Variants in UNC13C observed in about 807,000 individuals in gnomAD.
UNC13C encodes the protein unc-13 homolog C, also known as protein unc-13 homolog C.
Under a neutral mutation model 245.4 loss-of-function variants are expected in UNC13C, and 174 were observed. The ratio of observed to expected loss-of-function variants is 0.71; its 90% CI spans 0.63 to 0.80. The LOEUF (loss-of-function observed/expected upper bound fraction) is 0.80, where lower values mean the gene tolerates loss of function less well. UNC13C is among the 30% of genes least tolerant of loss of function. The pLI is 0.00. For synonymous variants in UNC13C, 992 were observed against 895.1 expected, an observed-to-expected ratio of 1.11 and a Z score of -1.93; for missense variants, 2,829 against 2,602.9, an observed-to-expected ratio of 1.09 and a Z score of -1.89.
intron 2 of UNC13C, among the ~76,000 whole-genome samples, chr15:54,083,387 TG>T (rs1899060085): frequency 1.3e-5 from 2 of 152,186 alleles, no homozygotes; most frequent in South Asian, 4.1e-4. Context: ...ATGGCTTGTC[TG>T]GCCTCCGTTG....
intron 30 of UNC13C, among the ~76,000 whole-genome samples, chr15:54,620,904 TC>T (rs1900757823): frequency 6.6e-6 from 1 of 152,086 alleles, no homozygotes; most frequent in South Asian, 2.1e-4. Flanking sequence ...GGTGGTAGTC[TC>T]CCTGGTGTTG....
At chr15:54,512,113 A>T (rs1894770239) in intron 24 of UNC13C, among the ~76,000 whole-genome samples, 1 of 152,180 alleles carries the variant, frequency 6.6e-6, no homozygotes, top group South Asian at 2.1e-4. Flanking sequence ...ACACACATAT[A>T]TATTTGTATG....
intron 7 of UNC13C, among the ~76,000 whole-genome samples, chr15:54,247,993 G>A (rs1001855013): frequency 6.6e-6 from 1 of 151,958 alleles, no homozygotes; most frequent in African/African-American, 2.4e-5. Flanking sequence ...CTTGACTTCA[G>A]TAAAAGGAAA....
At chr15:54,458,680 CTTTT>C (rs79291504) in intron 19 of UNC13C, among the ~76,000 whole-genome samples, 1 of 65,972 alleles carries the variant, frequency 1.5e-5, no homozygotes, top group Non-Finnish European at 2.6e-5. Context: ...CCTTTAAGGT[CTTTT>C]TTTTTTTTTT....
the UNC13C span, chr15:53,913,576 G>C: frequency 4.1e-4 from 63 of 152,434 alleles, no homozygotes; most frequent in African/African-American, 1.4e-3. Context: ...CCCAACAGTG[G>C]GGTGGGTACA....
the UNC13C span, among the ~76,000 whole-genome samples, chr15:53,888,074 T>TG: frequency 6.6e-6 from 1 of 152,218 alleles, no homozygotes; most frequent in African/African-American, 2.4e-5. Flanking sequence ...TACCCGGTAA[T>TG]GGGATTGCTG....
At position 54,088,220 on chromosome 15, in the gene UNC13C, T is replaced by C. The variant is rs987286233; in HGVS notation, c.2984-54798T>C. ...CTTTTCCTTTTTTTTTTTTTTTTTT[T>C]TTTTTTTACCCCCTCATCCAATCAG... On this transcript the variant is annotated intron_variant, in intron 2 of 32. Transcript: ENST00000260323. Among the ~76,000 whole-genome samples the C allele has an allele frequency of 6.3e-5, 9 of 143,940 alleles. No individual in the cohort carries two copies. In the East Asian group the frequency reaches 1.8e-3, roughly 29 times the overall value. The allele number at this position is 143,940 out of a possible 152,430, so 94.4% of individuals were successfully genotyped here. A position where few individuals can be genotyped will look rare whatever the true frequency, so the allele number is the denominator to read the frequency against.
intron 19 of UNC13C, among the ~76,000 whole-genome samples, chr15:54,424,859 G>A (rs1281999679): frequency 6.6e-6 from 1 of 151,782 alleles, no homozygotes; most frequent in African/African-American, 2.4e-5. Flanking sequence ...TGTTTCGTGG[G>A]TAAATTAGTG....
chr15:54,599,366 C>G (rs755159484), intron 30 of UNC13C, among the ~76,000 whole-genome samples: 4 of 152,102 alleles, frequency 2.6e-5, no homozygotes, highest in Non-Finnish European at 5.9e-5. Context: ...ATTTCTTCTG[C>G]ATTTGATGCC....
chr15:54,250,483 C>A, intron 8 of UNC13C, 39 bp downstream of exon 8: 2 of 1,543,776 alleles, frequency 1.3e-6, no homozygotes, highest in South Asian at 2.5e-5. Flanking sequence ...GTATGCAGAG[C>A]CTGCCTTATT....
chr15:54,162,873 G>A (rs2033028842), intron 4 of UNC13C, among the ~76,000 whole-genome samples: 1 of 152,274 alleles, frequency 6.6e-6, no homozygotes, highest in East Asian at 1.9e-4. Flanking sequence ...GAAATCAAGA[G>A]ATAAACAGAT....
chr15:54,315,027 C>T (rs530429646), intron 13 of UNC13C, among the ~76,000 whole-genome samples: 1 of 151,768 alleles, frequency 6.6e-6, no homozygotes, highest in East Asian at 2.0e-4. Flanking sequence ...TTCACTTCTA[C>T]ACTTTCTAAA....
At chr15:54,101,745 C>T (rs1185972452) in intron 2 of UNC13C, among the ~76,000 whole-genome samples, 1 of 151,868 alleles carries the variant, frequency 6.6e-6, no homozygotes, top group Non-Finnish European at 1.5e-5. Flanking sequence ...ACCACCGCAC[C>T]CAGCTAGTTT....
intron 4 of UNC13C, among the ~76,000 whole-genome samples, chr15:54,160,711 A>T (rs2032939405): frequency 6.6e-6 from 1 of 152,158 alleles, no homozygotes; most frequent in African/African-American, 2.4e-5. Flanking sequence ...TTTTCAACTC[A>T]TTCAGTTGCT....
At position 54,013,986 on chromosome 15, in the gene UNC13C, G is replaced by T. The variant is rs761178605; in HGVS notation, c.1083G>T (p.Gln361His). 5.6e-6 allele frequency: 9 copies of T among 1,613,786 alleles called. No homozygotes were observed. The highest frequency in any genetic ancestry group is 7.6e-6 in the Non-Finnish European group (9 of 1,179,826). ...APNAIKIEFA[Q>H]RIGHQRDCPN... is the part of the protein sequence containing the mutation. Reference sequence around the variant, plus strand: ...ATGCTATTAAAATTGAATTTGCTCAGAGGATAGGACACCAGAGAGACTGCC... The same window carrying T: ...ATGCTATTAAAATTGAATTTGCTCATAGGATAGGACACCAGAGAGACTGCC... Residue 361 changes from glutamine (Q) to histidine (H), a missense_variant, in exon 2 of 33, where the codon CAG becomes CAT. Transcript: ENST00000260323.
intron 4 of UNC13C, among the ~76,000 whole-genome samples, chr15:54,198,380 C>T (rs1056206330): frequency 6.6e-6 from 1 of 152,126 alleles, no homozygotes; most frequent in African/African-American, 2.4e-5. Flanking sequence ...GAAAACACCA[C>T]CTCCTGGCTA....
chr15:54,164,492 A>G (rs960406237), intron 4 of UNC13C, among the ~76,000 whole-genome samples: 18 of 152,202 alleles, frequency 1.2e-4, no homozygotes, highest in Non-Finnish European at 2.2e-4. Flanking sequence ...ATAAGTAAAA[A>G]AATCTAAATA....
At chr15:54,488,707 A>C (rs1383384075) in intron 19 of UNC13C, among the ~76,000 whole-genome samples, 1 of 152,204 alleles carries the variant, frequency 6.6e-6, no homozygotes, top group Non-Finnish European at 1.5e-5. Flanking sequence ...CCAATTGCCA[A>C]GCCTTTTCCT....
intron 17 of UNC13C, among the ~76,000 whole-genome samples, chr15:54,377,128 G>T (rs189254911): frequency 6.5e-4 from 99 of 152,282 alleles, no homozygotes; most frequent in African/African-American, 2.3e-3. Context: ...TTCCTTCAGA[G>T]CCTCCAGAAA....
Sources: allele counts gnomAD v4.1 joint callset (sites outside exome capture counted in the v4.1 genomes callset), GRCh38; gene constraint gnomAD v4.1.1; transcripts MANE v1.5; gene names NCBI Gene and HGNC (gene_info 2026-07-23, HGNC 2026-07-21).